MPDZ: variants seen among roughly 807,000 people sequenced by gnomAD.
MPDZ encodes multiple PDZ domain crumbs cell polarity complex component, also known as multiple PDZ domain protein.
A neutral mutation model predicts 239.1 loss-of-function variants in MPDZ; 234 were observed. The ratio of observed to expected loss-of-function variants is 0.98; its 90% CI spans 0.88 to 1.09. The LOEUF (loss-of-function observed/expected upper bound fraction) is 1.09, where lower values mean the gene tolerates loss of function less well. MPDZ is among the 50% of genes least tolerant of loss of function. The probability of loss-of-function intolerance (pLI) is 0.00; values close to 1 mark genes in which losing one functional copy is unlikely to be tolerated. For missense variants in MPDZ, 3,175 were observed against 2,510.0 expected, an observed-to-expected ratio of 1.26 and a Z score of -5.66; for synonymous variants, 1,048 against 881.3, an observed-to-expected ratio of 1.19 and a Z score of -3.35.
chr9:13,219,479 C>T, intron 8 of MPDZ, 80 bp downstream of exon 8: 2 of 1,261,980 alleles, frequency 1.6e-6, no homozygotes, highest in South Asian at 2.9e-5. Flanking sequence ...ATTAGTAAGT[C>T]TAGTTTCTAA....
intron 40 of MPDZ, 119 bp downstream of exon 40, chr9:13,115,129 A>T: frequency 1.3e-6 from 1 of 754,328 alleles, no homozygotes; most frequent in Non-Finnish European, 2.2e-6. Flanking sequence ...TCTGCACCTC[A>T]GTCACTATCC....
At chr9:13,244,522 T>C (rs1356409258) in intron 3 of MPDZ, among the ~76,000 whole-genome samples, 1 of 152,190 alleles carries the variant, frequency 6.6e-6, no homozygotes, top group Non-Finnish European at 1.5e-5. Context: ...TGCATCCTTT[T>C]AGCTGGCGTT....
At chr9:13,115,531 G>A (rs1943262366) in intron 39 of MPDZ, among the ~76,000 whole-genome samples, 197 bp from the exon 40 acceptor site, 1 of 152,082 alleles carries the variant, frequency 6.6e-6, no homozygotes, top group Non-Finnish European at 1.5e-5. Context: ...ATAATCAGCA[G>A]CAGCAACACC....
At chr9:13,134,681 C>T (rs932429404) in intron 31 of MPDZ, 11 of 152,216 alleles carry the variant, frequency 7.2e-5, no homozygotes, top group South Asian at 4.1e-4. Context: ...TCTCCCAATT[C>T]TCTGTCACCC....
intron 19 of MPDZ, 139 bp downstream of exon 19, chr9:13,183,279 T>G (rs1953615298): frequency 1.6e-6 from 1 of 643,762 alleles, no homozygotes; most frequent in Admixed American, 3.7e-5. Flanking sequence ...AAATTGTACT[T>G]TAATCCAATA....
At chr9:13,166,815 G>A (rs1951143284) in intron 22 of MPDZ, among the ~76,000 whole-genome samples, 1 of 151,994 alleles carries the variant, frequency 6.6e-6, no homozygotes, top group Non-Finnish European at 1.5e-5. Context: ...GAGGAAAGGG[G>A]AAAAAAGACT....
intron 1 of MPDZ, among the ~76,000 whole-genome samples, chr9:13,271,934 G>A (rs948391200): frequency 3.3e-5 from 5 of 152,068 alleles, no homozygotes; most frequent in South Asian, 2.1e-4. Flanking sequence ...TCTAGAGAAC[G>A]CAAACTAATC....
intron 3 of MPDZ, among the ~76,000 whole-genome samples, chr9:13,244,614 A>G (rs1966173386): frequency 6.6e-6 from 1 of 152,194 alleles, no homozygotes; most frequent in Non-Finnish European, 1.5e-5. Context: ...CAATATTTAA[A>G]TAGCACATCC....
intron 10 of MPDZ, among the ~76,000 whole-genome samples, chr9:13,215,760 T>TTTG (rs1554703443): frequency 3.7e-5 from 5 of 135,102 alleles, no homozygotes; most frequent in Non-Finnish European, 6.4e-5. Context: ...CAGGTTTTTT[T>TTTG]TTTTTTTTTT....
At chr9:13,137,218 C>A (rs539539466) in intron 29 of MPDZ, among the ~76,000 whole-genome samples, 6 of 152,164 alleles carry the variant, frequency 3.9e-5, no homozygotes, top group African/African-American at 1.4e-4. Flanking sequence ...AAAACTCAAG[C>A]CCTGGAAATA....
intron 1 of MPDZ, among the ~76,000 whole-genome samples, chr9:13,251,818 T>C (rs1359654419): frequency 6.6e-6 from 1 of 152,172 alleles, no homozygotes; most frequent in Non-Finnish European, 1.5e-5. Context: ...ATCAACTCCA[T>C]TTCAAATGTT....
In MPDZ at chr9:13,247,361, T is replaced by C. The variant is rs1317274118; in HGVS notation, c.183+274A>G. Among the ~76,000 whole-genome samples, 5 of 152,130 alleles carry C rather than the reference T, an allele frequency of 3.3e-5. No homozygotes were observed. The East Asian group carries it at 9.6e-4, about 29-fold the overall frequency. The stretch of plus-strand genomic sequence containing the variant: ...CTACAGCCAACCATCCTAAACATAT[T>C]TTTATCATCCGTTTTTCCTGTAGAA... On this transcript the variant is annotated intron_variant, in intron 3 of 46. Transcript: ENST00000319217.
intron 1 of MPDZ, among the ~76,000 whole-genome samples, chr9:13,267,948 A>C (rs1196250345): frequency 6.6e-6 from 1 of 152,172 alleles, no homozygotes; most frequent in Non-Finnish European, 1.5e-5. Flanking sequence ...TTCACGCACA[A>C]AGTAGCAAAA....
rs992986730 is a variant in MPDZ at position 13,238,480 on chromosome 9, C to T, written c.183+9155G>A. 2.0e-5 allele frequency among the ~76,000 whole-genome samples: 3 copies of T among 152,194 alleles called. No homozygotes were observed. The South Asian group carries it at 6.2e-4, about 32-fold the overall frequency. ...CAGTCGGCTGCCTTGCCCCTTCTTT[C>T]GGATGCCTCTCTCTGGCAAGGAGCT... On this transcript the variant is annotated intron_variant, in intron 3 of 46. Transcript: ENST00000319217.
At chr9:13,115,472 C>A in intron 39 of MPDZ, 138 bp from the exon 40 acceptor site, 1 of 677,854 alleles carries the variant, frequency 1.5e-6, no homozygotes, top group Non-Finnish European at 2.6e-6. Flanking sequence ...AGGATACCTC[C>A]AATCCCTTGT....
At chr9:13,135,898 A>G (rs1262123828) in intron 31 of MPDZ, 194 bp downstream of exon 31, 1 of 455,392 alleles carries the variant, frequency 2.2e-6, no homozygotes. Context: ...GCAGACTACA[A>G]GTACTCTTCA....
chr9:13,256,314 G>A (rs559835104), intron 1 of MPDZ, among the ~76,000 whole-genome samples: 2 of 152,100 alleles, frequency 1.3e-5, no homozygotes, highest in Non-Finnish European at 2.9e-5. Context: ...CAACAATAAG[G>A]CTGTTTTGCT....
chr9:13,260,730 A>T (rs1181296397), intron 1 of MPDZ, among the ~76,000 whole-genome samples: 1 of 152,224 alleles, frequency 6.6e-6, no homozygotes, highest in African/African-American at 2.4e-5. Flanking sequence ...AGGAAAGGCC[A>T]CATGAGCACA....
chr9:13,178,517 G>A (rs1952820871), intron 19 of MPDZ, among the ~76,000 whole-genome samples: 2 of 151,974 alleles, frequency 1.3e-5, no homozygotes, highest in African/African-American at 4.8e-5. Context: ...TACATATAGA[G>A]GCAAATAACT....
Sources: gnomAD v4.1 joint callset for allele counts (sites outside exome capture counted in the v4.1 genomes callset) on GRCh38, gnomAD v4.1.1 for gene constraint, MANE v1.5 for transcripts, NCBI Gene and HGNC (gene_info 2026-07-23, HGNC 2026-07-21) for gene names.